HTR4: variants seen among roughly 807,000 people sequenced by gnomAD.
HTR4 encodes the protein 5-hydroxytryptamine (serotonin) receptor 4, G protein-coupled.
In HTR4, 16 loss-of-function variants were observed where a neutral mutation model predicts 36.8. That is an observed-to-expected ratio of 0.43 (90% CI 0.29 to 0.66). The LOEUF is 0.66. Ranked by LOEUF, HTR4 falls within the 30% of genes least tolerant of loss-of-function variation. HTR4 has a pLI of 0.13. For synonymous variants in HTR4, 189 were observed against 185.1 expected (o/e 1.02, Z -0.17); for missense variants, 438 against 490.9 (o/e 0.89, Z 1.02).
At chr5:148,501,718 T>A (rs1361302985) in intron 6 of HTR4, among the ~76,000 whole-genome samples, 1 of 152,274 alleles carries the variant, frequency 6.6e-6, no homozygotes, top group East Asian at 1.9e-4. Context: ...CTTACTCTTA[T>A]AAGATTCTCC....
At chr5:148,610,367 C>A (rs1752371749) in intron 2 of HTR4, among the ~76,000 whole-genome samples, 1 of 152,104 alleles carries the variant, frequency 6.6e-6, no homozygotes. Flanking sequence ...GGGTCCCTGA[C>A]CCGTGACCCC....
chr5:148,644,502 A>G (rs1307383537), intron 1 of HTR4, among the ~76,000 whole-genome samples: 1 of 130,170 alleles, frequency 7.7e-6, no homozygotes, highest in African/African-American at 3.0e-5. Context: ...AGCAGATCTC[A>G]TGATAAGGAC....
chr5:148,643,073 A>G (rs749824931), intron 1 of HTR4, among the ~76,000 whole-genome samples: 1 of 152,234 alleles, frequency 6.6e-6, no homozygotes, highest in Non-Finnish European at 1.5e-5. Context: ...AAAAGTTTAT[A>G]GCCATTTCAT....
chr5:148,647,372 T>C (rs1753902331), intron 1 of HTR4, among the ~76,000 whole-genome samples: 1 of 152,164 alleles, frequency 6.6e-6, no homozygotes, highest in African/African-American at 2.4e-5. Flanking sequence ...TGCCGATCTT[T>C]GGGGGAGCAA....
intron 2 of HTR4, among the ~76,000 whole-genome samples, chr5:148,634,262 T>C (rs1213714242): frequency 6.6e-6 from 1 of 152,188 alleles, no homozygotes; most frequent in East Asian, 1.9e-4. Flanking sequence ...CTGTTCCTTT[T>C]GGGTGTCCAT....
intron 6 of HTR4, among the ~76,000 whole-genome samples, chr5:148,489,998 C>A (rs1400943154): frequency 2.6e-5 from 4 of 151,962 alleles, no homozygotes; most frequent in Non-Finnish European, 5.9e-5. Flanking sequence ...AAAAGAAAAC[C>A]AGAGGCAGAG....
intron 2 of HTR4, among the ~76,000 whole-genome samples, chr5:148,611,660 C>A (rs1167918782): frequency 6.7e-6 from 1 of 150,104 alleles, no homozygotes; most frequent in Non-Finnish European, 1.5e-5. Context: ...ATGACAGGAT[C>A]AAATTCACAC....
At chr5:148,458,091 T>TATATAAAATATATAAAATATATAAA (rs1463267174) in intron 5 of HTR4, among the ~76,000 whole-genome samples, 3 of 53,832 alleles carry the variant, frequency 5.6e-5, no homozygotes, top group African/African-American at 9.5e-5. Context: ...TAAAATATAT[T>TATATAAAATATATAAAATATATAAA]ATATTTTAAT....
At chr5:148,458,184 T>C (rs1382305452) in intron 5 of HTR4, among the ~76,000 whole-genome samples, 3 of 147,186 alleles carry the variant, frequency 2.0e-5, no homozygotes, top group African/African-American at 7.4e-5. Flanking sequence ...TTAATATCTA[T>C]TTAATATATC....
intron 2 of HTR4, among the ~76,000 whole-genome samples, chr5:148,590,287 C>CTTTTTTTTTTTTTTT (rs779077579): frequency 6.0e-5 from 2 of 33,320 alleles, no homozygotes; most frequent in African/African-American, 1.4e-4. Context: ...TTTTTCTTTT[C>CTTTTTTTTTTTTTTT]TTTTTTTTTT....
intron 6 of HTR4, among the ~76,000 whole-genome samples, chr5:148,499,259 CA>C (rs1756828332): frequency 6.6e-6 from 1 of 152,052 alleles, no homozygotes; most frequent in Non-Finnish European, 1.5e-5. Flanking sequence ...AATATAGTAA[CA>C]AACATTCTTT....
intron 1 of HTR4, among the ~76,000 whole-genome samples, chr5:148,653,722 GCT>G (rs1754106817): frequency 2.6e-5 from 4 of 152,020 alleles, no homozygotes; most frequent in African/African-American, 4.8e-5. Flanking sequence ...GCCTGTGCGC[GCT>G]CTCTCTTACA....
In HTR4 at chr5:148,544,168, G is replaced by A. The variant is rs764195953; in HGVS notation, c.353+4500C>T. Among the ~76,000 whole-genome samples, 15 of 152,208 alleles carry A rather than the reference G, an allele frequency of 9.9e-5. No homozygotes were observed. In the South Asian group the frequency reaches 2.5e-3, roughly 25 times the overall value. On this transcript the variant is annotated intron_variant, in intron 4 of 6. Transcript: ENST00000377888. ...CATCCACTCTGGCCAGCACTACACC[G>A]TATGCCCTACCCCTCAAATAACCAC... is the stretch of plus-strand genomic sequence containing the variant.
At chr5:148,579,344 C>T (rs1761048570) in intron 2 of HTR4, among the ~76,000 whole-genome samples, 1 of 152,004 alleles carries the variant, frequency 6.6e-6, no homozygotes, top group African/African-American at 2.4e-5. Context: ...TGCAGTTAGT[C>T]TACTTCTCAC....
Position 148,509,777 on chromosome 5 carries a change from C to G in HTR4, c.755G>C (p.Arg252Thr). 1 of 1,614,032 alleles carries G rather than the reference C, an allele frequency of 6.2e-7. No individual in the cohort carries two copies. The highest frequency in any genetic ancestry group is 1.7e-5 in the Admixed American group (1 of 59,988). ...GGTCTTGGCTGCTTTGGTCTCTGTCCTCATGCGATGAGTGCTATGCTGGTC... is the reference window on the plus strand; with the variant it reads ...GGTCTTGGCTGCTTTGGTCTCTGTCGTCATGCGATGAGTGCTATGCTGGTC... ...SADQHSTHRMRTETKAAKTLC... is the reference protein window; with the variant it reads ...SADQHSTHRMTTETKAAKTLC... The change falls in exon 6 of 7, where the codon AGG becomes ACG. Residue 252 changes from arginine to threonine, a missense_variant. Arg to Thr is a moderately conservative substitution (Grantham distance 71, BLOSUM62 -1). Coordinates refer to ENST00000377888, the MANE Select transcript of HTR4 (RefSeq NM_000870.7).
intron 2 of HTR4, among the ~76,000 whole-genome samples, chr5:148,610,460 G>A (rs1334488042): frequency 2.6e-5 from 4 of 152,148 alleles, no homozygotes; most frequent in African/African-American, 7.2e-5. Flanking sequence ...ACCTGCAGCT[G>A]AGGGTCCTGT....
intron 4 of HTR4, among the ~76,000 whole-genome samples, chr5:148,538,482 T>C (rs1581443685): frequency 6.6e-6 from 1 of 152,138 alleles, no homozygotes; most frequent in Admixed American, 6.6e-5. Context: ...AACCCCATAG[T>C]ATTGCCCCAA....
At chr5:148,568,607 CA>C (rs754758920) in intron 2 of HTR4, among the ~76,000 whole-genome samples, 7 of 152,030 alleles carry the variant, frequency 4.6e-5, no homozygotes, top group Non-Finnish European at 8.8e-5. Context: ...ATTGTAACTT[CA>C]AACAATAAGA....
intron 6 of HTR4, among the ~76,000 whole-genome samples, chr5:148,491,387 G>T (rs1210093975): frequency 6.6e-6 from 1 of 152,044 alleles, no homozygotes; most frequent in East Asian, 1.9e-4. Flanking sequence ...TGGTGCAGGG[G>T]CTGAACCTCC....
Sources: allele counts gnomAD v4.1 joint callset (sites outside exome capture counted in the v4.1 genomes callset), GRCh38; gene constraint gnomAD v4.1.1; transcripts MANE v1.5; gene names NCBI Gene and HGNC (gene_info 2026-07-23, HGNC 2026-07-21).